The following CNIH1 variants were observed in gnomAD, a reference collection of about 807,000 sequenced individuals.
CNIH1 encodes protein cornichon homolog 1.
A neutral mutation model predicts 20.2 loss-of-function variants in CNIH1; 12 were observed. That is an observed-to-expected ratio of 0.59 (90% CI 0.38 to 0.96). CNIH1 has a LOEUF of 0.96. CNIH1 is among the 40% of genes least tolerant of loss of function. CNIH1 has a pLI of 0.00. For missense variants in CNIH1, 152 were observed against 178.8 expected (o/e 0.85, Z 0.85); for synonymous variants, 69 against 63.3 (o/e 1.09, Z -0.43).
intron 3 of CNIH1, among the ~76,000 whole-genome samples, chr14:54,430,758 AT>A (rs2030925602): frequency 6.6e-6 from 1 of 152,278 alleles, no homozygotes; most frequent in East Asian, 1.9e-4. Flanking sequence ...CCAAATGTCC[AT>A]TTTTACTATA....
At chr14:54,430,444 G>C (rs373039769) in intron 3 of CNIH1, 40 bp from the exon 4 acceptor site, 18 of 1,563,616 alleles carry the variant, frequency 1.2e-5, no homozygotes, top group Non-Finnish European at 1.5e-5. Context: ...AGAAAGGGCA[G>C]TAAATGTTCA....
chr14:54,432,464 G>C (rs1447250005), intron 2 of CNIH1, among the ~76,000 whole-genome samples: 1 of 152,114 alleles, frequency 6.6e-6, no homozygotes, highest in East Asian at 1.9e-4. Context: ...AAAATTCAAA[G>C]CTCAAATCCT....
chr14:54,424,583 G>A lies in CNIH1; in HGVS notation c.*3231C>T, dbSNP rs1488021583. 1 of 152,226 alleles carries A rather than the reference G, an allele frequency of 6.6e-6. No homozygotes were observed. The highest frequency in any genetic ancestry group is 1.5e-5 in the Non-Finnish European group (1 of 68,036). 9.4% of individuals were successfully genotyped at this position (152,226 alleles called of 1,614,324 possible). On this transcript the variant is annotated 3_prime_UTR_variant, in exon 5 of 5. Transcript: ENST00000216416. Reference sequence around the variant, plus strand: ...AACTCTATTCATAAACATAGAAGGAGAAGAGAGGTGTTGTACAAAGGATTT... The same window carrying A: ...AACTCTATTCATAAACATAGAAGGAAAAGAGAGGTGTTGTACAAAGGATTT...
rs1257296455 is a variant in CNIH1 at position 54,424,516 on chromosome 14, G to C, written c.*3298C>G. Reference sequence around the variant, plus strand: ...AAGCTCACCCCTACAGGGTATAAGTGATACACGGAAGTCATTATTTGCACT... The same window carrying C: ...AAGCTCACCCCTACAGGGTATAAGTCATACACGGAAGTCATTATTTGCACT... On this transcript the variant is annotated 3_prime_UTR_variant, in exon 5 of 5. Coordinates refer to ENST00000216416, the MANE Select transcript of CNIH1 (RefSeq NM_005776.3). The C allele has an allele frequency of 1.3e-5, 2 of 152,204 alleles. No individual in the cohort carries two copies. Among genetic ancestry groups the C allele is most frequent in the African/African-American group, 4.8e-5 (2 of 41,446 alleles). The allele number at this position is 152,204 out of a possible 1,614,324, so 9.4% of individuals were successfully genotyped here.
At chr14:54,437,048 G>A (rs545002830) in intron 1 of CNIH1, among the ~76,000 whole-genome samples, 2 of 152,158 alleles carry the variant, frequency 1.3e-5, no homozygotes, top group Non-Finnish European at 2.9e-5. Flanking sequence ...AGATGGATTC[G>A]AACTCTTCAA....
chr14:54,441,289 C>G lies in CNIH1; in HGVS notation c.39G>C (p.Ala13=). ...FTFAAFCYML[A]LLLTAALIFF... ...AGATGAGCGCGGCAGTGAGCAGCAG[C>G]GCCAGCATGTAGCAGAAGGCCGCGA... The change falls in exon 1 of 5, where the codon GCG becomes GCC. Residue 13 remains alanine, a synonymous_variant. Coordinates refer to ENST00000216416, the MANE Select transcript of CNIH1 (RefSeq NM_005776.3). 1 of 1,521,682 alleles carries G rather than the reference C, an allele frequency of 6.6e-7. No individual in the cohort carries two copies. Among genetic ancestry groups the G allele is most frequent in the Non-Finnish European group, 8.8e-7 (1 of 1,131,814 alleles). 94.3% of individuals were successfully genotyped at this position (1,521,682 alleles called of 1,614,324 possible).
chr14:54,428,164 G>A lies in CNIH1; in HGVS notation c.408-323C>T, dbSNP rs118045582. Among the ~76,000 whole-genome samples the A allele has an allele frequency of 8.1e-4, 124 of 152,214 alleles. 3 individuals carry two copies. In the East Asian group the frequency reaches 0.023, roughly 28 times the overall value. ...GGAGTTGTGTCTAATAATAGAATGA[G>A]TATCTCTGGAGGGCTCACTTCACGC... On this transcript the variant is annotated intron_variant, in intron 4 of 4. Coordinates refer to ENST00000216416, the MANE Select transcript of CNIH1 (RefSeq NM_005776.3).
At chr14:54,428,769 G>A (rs1307176024) in intron 4 of CNIH1, among the ~76,000 whole-genome samples, 2 of 152,074 alleles carry the variant, frequency 1.3e-5, no homozygotes, top group East Asian at 3.9e-4. Flanking sequence ...GCACTTCTTT[G>A]TTTCATAGAT....
Position 54,427,949 on chromosome 14 carries a change from A to G in CNIH1, c.408-108T>C, listed in dbSNP as rs2139998791. ...TAGCAAACTAGTATCACAGAAAATG[A>G]CAAGACTAATGACAAGTTCACAGTG... On this transcript the variant is annotated intron_variant, in intron 4 of 4. Transcript: ENST00000216416. 4 of 1,058,930 alleles carry G rather than the reference A, an allele frequency of 3.8e-6. No individual in the cohort carries two copies. The South Asian group carries it at 4.1e-5, about 11-fold the overall frequency. 65.6% of individuals were successfully genotyped at this position (1,058,930 alleles called of 1,614,324 possible). A position where few individuals can be genotyped will look rare whatever the true frequency, so the allele number is the denominator to read the frequency against.
At chr14:54,433,644 G>A (rs2030992300) in intron 2 of CNIH1, among the ~76,000 whole-genome samples, 2 of 152,098 alleles carry the variant, frequency 1.3e-5, no homozygotes, top group Non-Finnish European at 2.9e-5. Context: ...CACTAGAGTT[G>A]CTTTTATAAT....
intron 4 of CNIH1, among the ~76,000 whole-genome samples, chr14:54,428,202 G>C (rs1381033401): frequency 6.6e-6 from 1 of 152,124 alleles, no homozygotes; most frequent in Admixed American, 6.6e-5. Flanking sequence ...GGCCCTGTTA[G>C]GTCTCTTATA....
chr14:54,432,091 G>A lies in CNIH1; in HGVS notation c.263+17C>T, dbSNP rs1006410786. 4 of 1,275,290 alleles carry A rather than the reference G, an allele frequency of 3.1e-6. No individual in the cohort carries two copies. In the Admixed American group the frequency reaches 9.2e-5, roughly 29 times the overall value. The allele number at this position is 1,275,290 out of a possible 1,614,324, so 79.0% of individuals were successfully genotyped here. ...GTTTTAATTTAAAAAAATATTAAAA[G>A]TGTATCTAAATATTACCTCCAAATA... On this transcript the variant is annotated intron_variant, in intron 3 of 4. Coordinates refer to ENST00000216416, the MANE Select transcript of CNIH1 (RefSeq NM_005776.3).
chr14:54,431,421 C>T (rs778631749), intron 3 of CNIH1, among the ~76,000 whole-genome samples: 7 of 152,126 alleles, frequency 4.6e-5, no homozygotes, highest in Non-Finnish European at 7.4e-5. Context: ...CCACTGCGCC[C>T]GGCCAAGTAC....
Position 54,424,301 on chromosome 14 carries a change from C to T in CNIH1, c.*3513G>A, listed in dbSNP as rs1005162778. 6.6e-6 allele frequency: 1 copy of T among 152,178 alleles called. No homozygotes were observed. The highest frequency in any genetic ancestry group is 2.4e-5 in the African/African-American group (1 of 41,450). The allele number at this position is 152,178 out of a possible 1,614,324, so 9.4% of individuals were successfully genotyped here. ...TAAGGTATCCATGTTTTTCTTTCCC[C>T]TGAAGAATGTTGTTTTAGAATATTT... On this transcript the variant is annotated 3_prime_UTR_variant, in exon 5 of 5. Coordinates refer to ENST00000216416, the MANE Select transcript of CNIH1 (RefSeq NM_005776.3).
chr14:54,440,154 C>G (rs1272951392), intron 1 of CNIH1, among the ~76,000 whole-genome samples: 2 of 152,212 alleles, frequency 1.3e-5, no homozygotes, highest in Non-Finnish European at 2.9e-5. Flanking sequence ...GACGCTGCTG[C>G]TGTTTAATCA....
chr14:54,427,787 A>T lies in CNIH1; in HGVS notation c.*27T>A. On this transcript the variant is annotated 3_prime_UTR_variant, in exon 5 of 5. Transcript: ENST00000216416. Reference sequence around the variant, plus strand: ...TTTGGTGGCTTTTTGCATGCACTTAACTGGACCAATTCTTCTGTGTGTTGT... The same window carrying T: ...TTTGGTGGCTTTTTGCATGCACTTATCTGGACCAATTCTTCTGTGTGTTGT... 1.2e-6 allele frequency: 2 copies of T among 1,613,498 alleles called. No individual in the cohort carries two copies. The highest frequency in any genetic ancestry group is 1.3e-5 in the African/African-American group (1 of 75,040).
intron 4 of CNIH1, 26 bp from the exon 5 acceptor site, chr14:54,427,867 T>C (rs1270194178): frequency 2.5e-6 from 4 of 1,609,072 alleles, no homozygotes; most frequent in Non-Finnish European, 3.4e-6. Flanking sequence ...AAGATGTTAA[T>C]TTGAACATTA....
intron 1 of CNIH1, among the ~76,000 whole-genome samples, chr14:54,438,512 C>A (rs1199740398): frequency 6.6e-6 from 1 of 152,206 alleles, no homozygotes; most frequent in Non-Finnish European, 1.5e-5. Context: ...TAATACACAT[C>A]TTTAAGGAAT....
At chr14:54,440,876 C>T (rs575534759) in intron 1 of CNIH1, among the ~76,000 whole-genome samples, 19 of 152,304 alleles carry the variant, frequency 1.2e-4, no homozygotes, top group Non-Finnish European at 2.4e-4. Context: ...TTCATTCACA[C>T]TACGGCCGTC....
Sources: allele counts gnomAD v4.1 joint callset (sites outside exome capture counted in the v4.1 genomes callset), GRCh38; gene constraint gnomAD v4.1.1; transcripts MANE v1.5; gene names NCBI Gene and HGNC (gene_info 2026-07-23, HGNC 2026-07-21).